ANKRD44: variants seen among roughly 807,000 people sequenced by gnomAD.
The protein encoded by ANKRD44 is serine/threonine-protein phosphatase 6 regulatory ankyrin repeat subunit B.
A neutral mutation model predicts 116.0 loss-of-function variants in ANKRD44; 35 were observed. The observed-to-expected ratio is 0.30, with a 90% confidence interval of 0.23 to 0.40. The LOEUF is 0.40. Ranked by LOEUF, ANKRD44 falls within the 10% of genes least tolerant of loss-of-function variation. The pLI, the probability that ANKRD44 is intolerant of heterozygous loss-of-function variation, is 1.00. For synonymous variants in ANKRD44, 435 were observed against 461.8 expected (o/e 0.94, Z 0.74); for missense variants, 1,014 against 1,242.6 (o/e 0.82, Z 2.77).
chr2:197,029,647 CCATTATCCT>C (rs2076666142), intron 16 of ANKRD44: 1 of 331,622 alleles, frequency 3.0e-6, no homozygotes, highest in Non-Finnish European at 5.8e-6. Context: ...CTTCATGGTA[CCATTATCCT>C]CATTACAGGC....
intron 2 of ANKRD44, among the ~76,000 whole-genome samples, chr2:197,183,003 T>C (rs2080548992): frequency 1.3e-5 from 2 of 151,952 alleles, no homozygotes; most frequent in Admixed American, 1.3e-4. Context: ...AAGTAGTAGG[T>C]ATGGAAGGAC....
At chr2:197,100,331 A>C (rs1401372691) in intron 9 of ANKRD44, among the ~76,000 whole-genome samples, 1 of 152,198 alleles carries the variant, frequency 6.6e-6, no homozygotes, top group Non-Finnish European at 1.5e-5. Flanking sequence ...GCTACTCAGG[A>C]GGCTGAGGCA....
Position 197,223,311 on chromosome 2 carries a change from T to C in ANKRD44, c.28-36205A>G, listed in dbSNP as rs139025397. 1.1e-4 allele frequency among the ~76,000 whole-genome samples: 16 copies of C among 152,294 alleles called. No homozygotes were observed. The East Asian group carries it at 2.9e-3, about 27-fold the overall frequency. ...CTGACATCAGTAGTTATCAATCCCA[T>C]GTAGGTTTTTAAATATTTTCTGGAT... is the stretch of plus-strand genomic sequence containing the variant. On this transcript the variant is annotated intron_variant, in intron 1 of 27. Transcript: ENST00000282272.
At chr2:197,007,775 G>T in intron 20 of ANKRD44, 31 bp downstream of exon 20, 2 of 1,396,548 alleles carry the variant, frequency 1.4e-6, no homozygotes, top group Non-Finnish European at 1.0e-6. Flanking sequence ...TAAAAAAATT[G>T]CTTGACTAGA....
intron 1 of ANKRD44, chr2:197,198,227 A>G (rs567196956): frequency 6.6e-6 from 1 of 152,294 alleles, no homozygotes; most frequent in Non-Finnish European, 1.5e-5. Flanking sequence ...GGATCCTATC[A>G]TGGAAGGTCT....
At chr2:197,279,104 T>A (rs2083190058) in intron 1 of ANKRD44, among the ~76,000 whole-genome samples, 1 of 152,200 alleles carries the variant, frequency 6.6e-6, no homozygotes. Context: ...AGCTTAGCAG[T>A]GCTGTATTTA....
chr2:197,153,579 AAGAC>A (rs200429210), intron 2 of ANKRD44, among the ~76,000 whole-genome samples: 1 of 152,170 alleles, frequency 6.6e-6, no homozygotes, highest in East Asian at 1.9e-4. Context: ...AGGAAAGAGA[AAGAC>A]AGAAAACAAA....
At chr2:197,293,688 T>C (rs2083634988) in intron 1 of ANKRD44, among the ~76,000 whole-genome samples, 1 of 152,210 alleles carries the variant, frequency 6.6e-6, no homozygotes, top group South Asian at 2.1e-4. Context: ...CAAATAAGAA[T>C]GAAGTTCCAC....
intron 1 of ANKRD44, among the ~76,000 whole-genome samples, chr2:197,251,213 ACTGT>A (rs1485404391): frequency 6.6e-6 from 1 of 152,174 alleles, no homozygotes; most frequent in Non-Finnish European, 1.5e-5. Flanking sequence ...ATTGGTTTAC[ACTGT>A]CTTTCTGAAT....
intron 1 of ANKRD44, among the ~76,000 whole-genome samples, chr2:197,255,331 A>C (rs1178619437): frequency 6.6e-6 from 1 of 152,210 alleles, no homozygotes; most frequent in African/African-American, 2.4e-5. Flanking sequence ...CTCAGCATAC[A>C]CAGAACACTC....
intron 21 of ANKRD44, among the ~76,000 whole-genome samples, chr2:196,979,300 G>A (rs113212452): frequency 3.4e-5 from 5 of 147,850 alleles, no homozygotes; most frequent in Admixed American, 6.8e-5. Flanking sequence ...GGAGAATGGC[G>A]TGAACCCGGG....
chr2:197,297,996 A>G (rs900032245), intron 1 of ANKRD44, among the ~76,000 whole-genome samples: 1 of 152,228 alleles, frequency 6.6e-6, no homozygotes, highest in Non-Finnish European at 1.5e-5. Context: ...CTTATGGTCT[A>G]TTCTTAAATC....
chr2:197,300,397 G>A (rs6741380), intron 1 of ANKRD44, among the ~76,000 whole-genome samples: 70,042 of 151,902 alleles, frequency 0.46, 17,282 homozygotes, highest in African/African-American at 0.64. Flanking sequence ...CTCAAGTACC[G>A]CTTAGACTCC....
Position 197,122,781 on chromosome 2 carries a change from C to T in ANKRD44, c.562G>A (p.Val188Ile). The change falls in exon 7 of 28, where the codon GTT (valine) becomes ATT (isoleucine). Residue 188 changes from valine to isoleucine, a missense_variant. Coordinates refer to ENST00000282272, the MANE Select transcript of ANKRD44 (RefSeq NM_001195144.2). ...CCATGGTTAATGAGCAATGCTACAA[C>T]ATCCAAGTGGCCTTTACAAACAAAG... Reference protein sequence around the residue: ...HWAAYMGHLDVVALLINHGAE... With the variant: ...HWAAYMGHLDIVALLINHGAE... 6.2e-7 allele frequency: 1 copy of T among 1,613,688 alleles called. No individual in the cohort carries two copies. The highest frequency in any genetic ancestry group is 8.5e-7 in the Non-Finnish European group (1 of 1,179,832).
At chr2:197,234,551 G>A (rs2081939105) in intron 1 of ANKRD44, among the ~76,000 whole-genome samples, 1 of 152,206 alleles carries the variant, frequency 6.6e-6, no homozygotes, top group South Asian at 2.1e-4. Flanking sequence ...TTTACGAATT[G>A]TTCTACAATT....
intron 17 of ANKRD44, among the ~76,000 whole-genome samples, chr2:197,014,775 C>T (rs370142021): frequency 3.0e-4 from 45 of 150,426 alleles, no homozygotes; most frequent in African/African-American, 1.1e-3. Context: ...CAGAGCAAGA[C>T]TCTGTCTCCA....
intron 16 of ANKRD44, among the ~76,000 whole-genome samples, chr2:197,035,837 G>A (rs933952048): frequency 6.6e-6 from 1 of 152,110 alleles, no homozygotes; most frequent in Non-Finnish European, 1.5e-5. Context: ...CACCCAGGCC[G>A]TGTCAATCTC....
chr2:197,219,970 G>A (rs969024027), intron 1 of ANKRD44, among the ~76,000 whole-genome samples: 5 of 152,262 alleles, frequency 3.3e-5, no homozygotes, highest in Admixed American at 6.5e-5. Context: ...ATAGAAGGCT[G>A]TTCTTCATAT....
At chr2:197,255,801 C>G (rs1015902403) in intron 1 of ANKRD44, among the ~76,000 whole-genome samples, 1 of 152,232 alleles carries the variant, frequency 6.6e-6, no homozygotes, top group African/African-American at 2.4e-5. Flanking sequence ...ACAAAGGCAA[C>G]GACGCTCCTG....
Sources: gnomAD v4.1 joint callset for allele counts (sites outside exome capture counted in the v4.1 genomes callset) on GRCh38, gnomAD v4.1.1 for gene constraint, MANE v1.5 for transcripts, NCBI Gene and HGNC (gene_info 2026-07-23, HGNC 2026-07-21) for gene names.